CMTM4: variants seen among roughly 807,000 people sequenced by gnomAD.
The protein encoded by CMTM4 is CKLF-like MARVEL transmembrane domain-containing protein 4.
CMTM4 carries 8 observed loss-of-function variants against 19.0 expected under a neutral mutation model. The observed-to-expected ratio is 0.42, with a 90% CI of 0.25 to 0.76. The LOEUF is 0.76. Among genes scored for constraint, CMTM4 ranks in the 30% least tolerant of loss-of-function variants. The pLI, the probability that CMTM4 is intolerant of heterozygous loss-of-function variation, is 0.27. For missense variants in CMTM4, 228 were observed against 290.2 expected (o/e 0.79, Z 1.56); for synonymous variants, 106 against 121.1 (o/e 0.88, Z 0.82).
the CMTM4 span, chr16:66,608,374 T>C: frequency 1.9e-6 from 3 of 1,614,224 alleles, no homozygotes; most frequent in Non-Finnish European, 2.5e-6. This position sits in a 1 kb window ranked among gnomAD's most constrained non-coding sequence, Gnocchi z 5.1. Flanking sequence ...TCACAGCGCC[T>C]CTGCTGGAGT....
chr16:66,614,528 G>A (rs893845902), downstream of CMTM4, among the ~76,000 whole-genome samples: 1 of 152,212 alleles, frequency 6.6e-6, no homozygotes, highest in Non-Finnish European at 1.5e-5. This position sits in a 1 kb window ranked among gnomAD's most constrained non-coding sequence, Gnocchi z 4.9. Flanking sequence ...GCTGAAAATG[G>A]GTAAGAAAGC....
chr16:66,611,163 A>C (rs114225303), downstream of CMTM4: 735 of 288,870 alleles, frequency 2.5e-3, 6 homozygotes, highest in African/African-American at 0.015. Context: ...GTTAGAATTG[A>C]ATATAGCAGC....
chr16:66,674,001 C>T (rs1162682381), intron 1 of CMTM4, among the ~76,000 whole-genome samples: 1 of 152,226 alleles, frequency 6.6e-6, no homozygotes, highest in African/African-American at 2.4e-5. Flanking sequence ...CAGTGCTCAT[C>T]AGCCCCTGCC....
chr16:66,679,433 C>T (rs374009981), intron 1 of CMTM4, among the ~76,000 whole-genome samples: 2 of 152,178 alleles, frequency 1.3e-5, no homozygotes, highest in African/African-American at 4.8e-5. Flanking sequence ...AGATGTGACC[C>T]CTGAATTATG....
chr16:66,663,205 G>A (rs1260869848), intron 1 of CMTM4, among the ~76,000 whole-genome samples: 1 of 152,118 alleles, frequency 6.6e-6, no homozygotes, highest in Non-Finnish European at 1.5e-5. Flanking sequence ...ATAAACAAAT[G>A]TCCACGATAT....
intron 1 of CMTM4, among the ~76,000 whole-genome samples, chr16:66,651,245 CG>C (rs1255214399): frequency 2.6e-5 from 4 of 152,106 alleles, no homozygotes; most frequent in African/African-American, 9.7e-5. Context: ...GAAGCCTCTC[CG>C]CACCATCTTT....
intron 1 of CMTM4, among the ~76,000 whole-genome samples, chr16:66,660,746 T>A (rs1169953473): frequency 2.0e-5 from 3 of 152,248 alleles, no homozygotes; most frequent in Non-Finnish European, 2.9e-5. Flanking sequence ...AACTGCAAGC[T>A]GCTCTGGGAA....
the CMTM4 span, among the ~76,000 whole-genome samples, chr16:66,598,213 T>G: frequency 6.6e-6 from 1 of 152,184 alleles, no homozygotes; most frequent in Non-Finnish European, 1.5e-5. Flanking sequence ...CACCCTGCCT[T>G]CATTCCATAG....
rs935931681 is a variant in CMTM4 at position 66,670,540 on chromosome 16, G to A, written c.186+25800C>T. Among the ~76,000 whole-genome samples the A allele has an allele frequency of 9.9e-5, 15 of 151,748 alleles. No homozygotes were observed. The South Asian group carries it at 2.7e-3, about 27-fold the overall frequency. On this transcript the variant is annotated intron_variant, in intron 1 of 3. Coordinates refer to ENST00000394106, the MANE Select transcript of CMTM4 (RefSeq NM_181521.3). ...AATGTAGCCAGGCACGATGGCTCAC[G>A]CCTGTAATCCCAGCACTTTGGGAGG... is the stretch of plus-strand genomic sequence containing the variant.
chr16:66,694,992 TA>T (rs1264004058), intron 1 of CMTM4, among the ~76,000 whole-genome samples: 1 of 152,156 alleles, frequency 6.6e-6, no homozygotes, highest in Non-Finnish European at 1.5e-5. Context: ...CCAGGACATT[TA>T]TTTAAAGGGT....
chr16:66,643,642 G>A (rs182263500), intron 1 of CMTM4, among the ~76,000 whole-genome samples: 14 of 152,230 alleles, frequency 9.2e-5, no homozygotes, highest in Non-Finnish European at 1.6e-4. Context: ...TGCACTAAAC[G>A]TTTTCTCCCT....
chr16:66,684,301 G>A (rs976877507), intron 1 of CMTM4, among the ~76,000 whole-genome samples: 1 of 152,028 alleles, frequency 6.6e-6, no homozygotes, highest in African/African-American at 2.4e-5. Context: ...ATCCTCCCGA[G>A]TAGCTGGGAT....
chr16:66,691,562 A>G (rs1021894826), intron 1 of CMTM4, among the ~76,000 whole-genome samples: 2 of 152,304 alleles, frequency 1.3e-5, no homozygotes, highest in Non-Finnish European at 2.9e-5. Flanking sequence ...TTAGCTAGGC[A>G]TAGTGGCATA....
At chr16:66,614,641 G>A (rs1472204888), downstream of CMTM4, 1 of 152,212 alleles carries the variant, frequency 6.6e-6, no homozygotes, top group African/African-American at 2.4e-5. The surrounding 1 kb of genome is among the most constrained non-coding windows in gnomAD (Gnocchi z 4.9). Flanking sequence ...GTTCCACCCT[G>A]AGGATCGTGG....
rs184321671 is a variant in CMTM4 at position 66,647,232 on chromosome 16, G to A, written c.187-10651C>T. On this transcript the variant is annotated intron_variant, in intron 1 of 3. Coordinates refer to ENST00000394106, the MANE Select transcript of CMTM4 (RefSeq NM_181521.3). ...CCAGCTACTCAGGAGGCTGAGGCAG[G>A]AGAATCGCTTGAAATGGGGAGGCGG... Among the ~76,000 whole-genome samples, 1,483 of 150,922 alleles carry A rather than the reference G, an allele frequency of 9.8e-3. 20 individuals are homozygous for A. Among genetic ancestry groups the A allele is most frequent in the African/African-American group, 0.033 (1,369 of 41,132 alleles).
chr16:66,612,982 T>G (rs2015439273), downstream of CMTM4: 1 of 696,070 alleles, frequency 1.4e-6, no homozygotes, highest in East Asian at 2.7e-5. This position sits in a 1 kb window ranked among gnomAD's most constrained non-coding sequence, Gnocchi z 6.0. Context: ...TGTTCCATGC[T>G]GCTAGGTGGC....
chr16:66,683,194 C>CATATATATATATATATACACAT (rs71378405), intron 1 of CMTM4, among the ~76,000 whole-genome samples: 1 of 107,720 alleles, frequency 9.3e-6, no homozygotes, highest in Admixed American at 1.1e-4. Context: ...TATATATATA[C>CATATATATATATATATACACAT]ATATATATAT....
intron 1 of CMTM4, among the ~76,000 whole-genome samples, chr16:66,663,494 T>C (rs983145864): frequency 2.6e-5 from 4 of 151,626 alleles, no homozygotes; most frequent in Admixed American, 2.0e-4. Context: ...CATTTTTATT[T>C]TGGATACTAC....
chr16:66,696,614 G>T lies in CMTM4; in HGVS notation c.-89C>A. ...GCGGGGCCGCCGCATCGCCGCCGCC[G>T]CCGCCGCCGCCGCCGCCCGACTGAC... On this transcript the variant is annotated 5_prime_UTR_variant, in exon 1 of 4. Coordinates refer to ENST00000394106, the MANE Select transcript of CMTM4 (RefSeq NM_181521.3). The surrounding 1 kb of genome is among the most constrained non-coding windows in gnomAD (Gnocchi z 4.3). 1.4e-6 allele frequency: 1 copy of T among 716,858 alleles called. No homozygotes were observed. The highest frequency in any genetic ancestry group is 1.7e-6 in the Non-Finnish European group (1 of 587,116). The allele number at this position is 716,858 out of a possible 1,614,324, so 44.4% of individuals were successfully genotyped here.
Sources: allele counts gnomAD v4.1 joint callset (sites outside exome capture counted in the v4.1 genomes callset), GRCh38; gene constraint gnomAD v4.1.1; non-coding constraint Gnocchi (gnomAD v3.1); transcripts MANE v1.5; gene names NCBI Gene and HGNC (gene_info 2026-07-23, HGNC 2026-07-21).